Variants in FKBP9 observed in about 807,000 individuals in gnomAD.
The protein encoded by FKBP9 is peptidyl-prolyl cis-trans isomerase FKBP9.
A neutral mutation model predicts 55.6 loss-of-function variants in FKBP9; 27 were observed. The ratio of observed to expected loss-of-function variants is 0.49; its 90% CI spans 0.36 to 0.67. FKBP9 has a LOEUF of 0.67. Ranked by LOEUF, FKBP9 falls within the 30% of genes least tolerant of loss-of-function variation. FKBP9 has a pLI of 0.00. For synonymous variants in FKBP9, 267 were observed against 296.5 expected (o/e 0.90, Z 1.02); for missense variants, 539 against 742.8 (o/e 0.73, Z 3.19).
chr7:32,995,753 T>A (rs1337274261), intron 6 of FKBP9, among the ~76,000 whole-genome samples: 2 of 152,174 alleles, frequency 1.3e-5, no homozygotes, highest in Non-Finnish European at 2.9e-5. Context: ...GATTTCACTC[T>A]ACGGCTGATT....
intron 1 of FKBP9, chr7:32,963,619 G>A (rs754284281): frequency 1.6e-5 from 24 of 1,457,738 alleles, no homozygotes; most frequent in South Asian, 9.5e-5. Context: ...ACACAAGCCC[G>A]TCCTGCAGAC....
intron 7 of FKBP9, among the ~76,000 whole-genome samples, chr7:32,996,819 G>A (rs1217927656): frequency 1.1e-4 from 10 of 94,482 alleles, no homozygotes; most frequent in Non-Finnish European, 1.5e-4. Flanking sequence ...ACGGAGTCTC[G>A]CTCTGTCGCC....
In FKBP9 at chr7:33,005,505, T is replaced by A. The variant is rs1785019752; in HGVS notation, c.*154T>A. The A allele has an allele frequency of 1.3e-6, 1 of 762,046 alleles. No individual in the cohort carries two copies. The highest frequency in any genetic ancestry group is 1.9e-5 in the South Asian group (1 of 52,892). The allele number at this position is 762,046 out of a possible 1,614,324, so 47.2% of individuals were successfully genotyped here. A position where few individuals can be genotyped will look rare whatever the true frequency, so the allele number is the denominator to read the frequency against. ...TACCTGGTGTACACATCGGGGTGGG[T>A]TGATATATGGGGTGAGAAGTTTGGG... is the stretch of plus-strand genomic sequence containing the variant. On this transcript the variant is annotated 3_prime_UTR_variant, in exon 10 of 10. Transcript: ENST00000242209.
intron 6 of FKBP9, chr7:32,994,906 G>C (rs935412101): frequency 1.1e-4 from 19 of 175,706 alleles, no homozygotes; most frequent in Admixed American, 8.9e-4. Context: ...ATCTCTATCT[G>C]AATTTTGTCA....
At position 32,977,870 on chromosome 7, in the gene FKBP9, C is replaced by CATGTATATATATATATATAT. The variant is rs780985630; in HGVS notation, c.703+1373_703+1374insGTATATATATATATATATAT. Among the ~76,000 whole-genome samples, 223 of 124,602 alleles carry CATGTATATATATATATATAT rather than the reference C, an allele frequency of 1.8e-3. 5 individuals are homozygous for CATGTATATATATATATATAT. The East Asian group carries it at 0.028, about 16-fold the overall frequency. The allele number at this position is 124,602 out of a possible 152,430, so 81.7% of individuals were successfully genotyped here. On this transcript the variant is annotated intron_variant, in intron 4 of 9. Coordinates refer to ENST00000242209, the MANE Select transcript of FKBP9 (RefSeq NM_007270.5). The stretch of plus-strand genomic sequence containing the variant: ...ACACTCATATATATATATACATGCC[C>CATGTATATATATATATATAT]ATATATATATATGTATATATACACT...
intron 1 of FKBP9, 81 bp downstream of exon 1, chr7:32,957,875 C>T (rs1198110562): frequency 5.7e-6 from 6 of 1,044,858 alleles, no homozygotes; most frequent in Non-Finnish European, 7.7e-6. Context: ...CCTGCCGGAC[C>T]TCCCCTAGCT....
At chr7:32,967,393 C>T (rs529243129) in intron 1 of FKBP9, among the ~76,000 whole-genome samples, 1 of 152,304 alleles carries the variant, frequency 6.6e-6, no homozygotes, top group African/African-American at 2.4e-5. Context: ...TTTCCTTCTT[C>T]CTTGTCCGCT....
intron 5 of FKBP9, among the ~76,000 whole-genome samples, chr7:32,986,110 A>G (rs1440962979): frequency 1.3e-5 from 2 of 151,878 alleles, no homozygotes; most frequent in Non-Finnish European, 2.9e-5. Context: ...TTTATTCAGC[A>G]TTTACTACAA....
intron 1 of FKBP9, among the ~76,000 whole-genome samples, chr7:32,965,828 T>TATATATATGTGTACACAC (rs1554284327): frequency 5.7e-5 from 2 of 35,070 alleles, no homozygotes; most frequent in East Asian, 5.3e-4. Flanking sequence ...TATATATATA[T>TATATATATGTGTACACAC]ATATATATAT....
intron 8 of FKBP9, among the ~76,000 whole-genome samples, chr7:33,000,947 A>AT (rs1207362833): frequency 1.3e-5 from 2 of 151,800 alleles, no homozygotes; most frequent in African/African-American, 2.4e-5. Context: ...CGCCTGGCTA[A>AT]TTTTTTATTT....
chr7:32,959,353 C>T (rs558975219), intron 1 of FKBP9, among the ~76,000 whole-genome samples: 150 of 152,224 alleles, frequency 9.9e-4, no homozygotes, highest in African/African-American at 3.5e-3. Flanking sequence ...TGCAGTGAGC[C>T]GAGACGTGCC....
At chr7:32,988,698 C>T in intron 6 of FKBP9, 46 bp downstream of exon 6, 1 of 1,596,886 alleles carries the variant, frequency 6.3e-7, no homozygotes, top group Non-Finnish European at 8.6e-7. Context: ...GTGGCTGCTT[C>T]CACATTGCTT....
rs372550709 is a variant in FKBP9, at chr7:32,976,355, C to T, written c.559C>T (p.His187Tyr). The T allele has an allele frequency of 7.4e-6, 12 of 1,613,772 alleles. No individual in the cohort carries two copies. The highest frequency in any genetic ancestry group is 6.7e-5 in the African/African-American group (5 of 74,880). Residue 187 changes from histidine to tyrosine, a missense_variant and splice_region_variant, in exon 4 of 10, where the codon CAC (histidine) becomes TAC (tyrosine). By Grantham distance (83) the His-to-Tyr change is moderately conservative. Around this residue, in one of 4 missense-constraint regions of FKBP9, gnomAD observed 236 missense variants for 271.5 expected, o/e 0.87. Transcript: ENST00000242209. Reference sequence around the variant, plus strand: ...TTTCCCTTTCTCATTACCTTTCAGTCACAATCGCATGAAAACATATGACAC... The same window carrying T: ...TTTCCCTTTCTCATTACCTTTCAGTTACAATCGCATGAAAACATATGACAC... ...FLDGTLFDSS[H>Y]NRMKTYDTYV...
At chr7:32,969,223 C>A (rs941086584) in intron 1 of FKBP9, among the ~76,000 whole-genome samples, 8 of 152,044 alleles carry the variant, frequency 5.3e-5, no homozygotes, top group African/African-American at 1.9e-4. Context: ...GTTTTCTTTG[C>A]TGTTCAGAGT....
intron 1 of FKBP9, among the ~76,000 whole-genome samples, chr7:32,964,662 T>A (rs1267242603): frequency 6.6e-6 from 1 of 152,254 alleles, no homozygotes; most frequent in Non-Finnish European, 1.5e-5. Flanking sequence ...CTGGGTAGTT[T>A]GCCAGTTCAT....
rs185337587 is a variant in FKBP9, at chr7:33,006,027, G to C, written c.*676G>C. On this transcript the variant is annotated 3_prime_UTR_variant, in exon 10 of 10. Transcript: ENST00000242209. ...AACTGGGCCAGGAAAAGGCATCTCA[G>C]ACCACAAATAGAGAATTTGATTCCT... 4.4e-4 allele frequency: 99 copies of C among 222,652 alleles called. 1 individual carries two copies. The highest frequency in any genetic ancestry group is 4.2e-4 in the Non-Finnish European group (47 of 112,060). 13.8% of individuals were successfully genotyped at this position (222,652 alleles called of 1,614,324 possible). A position where few individuals can be genotyped will look rare whatever the true frequency, so the allele number is the denominator to read the frequency against.
At chr7:32,999,973 T>C in intron 7 of FKBP9, 142 bp from the exon 8 acceptor site, 2 of 768,536 alleles carry the variant, frequency 2.6e-6, no homozygotes, top group South Asian at 3.5e-5. Flanking sequence ...AATTTGTTTT[T>C]GTCTGATGTT....
chr7:32,999,564 C>T (rs1315101723), intron 7 of FKBP9, among the ~76,000 whole-genome samples: 1 of 151,732 alleles, frequency 6.6e-6, no homozygotes, highest in South Asian at 2.1e-4. Context: ...TTGTACTTCC[C>T]CTCCACTGTG....
Position 33,005,330 on chromosome 7 carries a change from A to C in FKBP9, c.1692A>C (p.Glu564Asp). 1 of 1,614,262 alleles carries C rather than the reference A, an allele frequency of 6.2e-7. No individual in the cohort carries two copies. Among genetic ancestry groups the C allele is most frequent in the East Asian group, 2.2e-5 (1 of 44,888 alleles). Residue 564 changes from glutamate to aspartate, a missense_variant, in exon 10 of 10, where the codon GAA (glutamate) becomes GAC (aspartate). Around this residue, in one of 4 missense-constraint regions of FKBP9, gnomAD observed 102 missense variants for 200.7 expected, o/e 0.51. Transcript: ENST00000242209. Reference protein sequence around the residue: ...TAEEFKLKDQEAKHDEL With the variant: ...TAEEFKLKDQDAKHDEL Reference sequence around the variant, plus strand: ...AGGAATTTAAACTCAAAGACCAGGAAGCCAAACACGATGAACTCTAAACCT... The same window carrying C: ...AGGAATTTAAACTCAAAGACCAGGACGCCAAACACGATGAACTCTAAACCT...
Sources: allele counts gnomAD v4.1 joint callset (sites outside exome capture counted in the v4.1 genomes callset), GRCh38; gene constraint gnomAD v4.1.1; regional missense constraint gnomAD v4.1.1; transcripts MANE v1.5; gene names NCBI Gene and HGNC (gene_info 2026-07-23, HGNC 2026-07-21).